The following SIMC1 variants were observed in gnomAD, a reference collection of about 807,000 sequenced individuals.
SIMC1 encodes the protein SUMO interacting motifs containing 1.
A neutral mutation model predicts 82.3 loss-of-function variants in SIMC1; 55 were observed. The observed-to-expected ratio is 0.67, with a 90% CI of 0.54 to 0.84. The LOEUF is 0.84. SIMC1 is among the 40% of genes least tolerant of loss of function. The pLI is 0.00. For synonymous variants in SIMC1, 353 were observed against 426.3 expected (o/e 0.83, Z 2.12); for missense variants, 915 against 1,107.2 (o/e 0.83, Z 2.46).
At chr5:176,338,918 A>G (rs1766015502) in intron 9 of SIMC1, among the ~76,000 whole-genome samples, 3 of 152,186 alleles carry the variant, frequency 2.0e-5, no homozygotes, top group Admixed American at 2.0e-4. Context: ...CTTCTATAGA[A>G]TGGGGATGAT....
At chr5:176,306,599 A>AT (rs1764421429) in intron 4 of SIMC1, among the ~76,000 whole-genome samples, 1 of 151,292 alleles carries the variant, frequency 6.6e-6, no homozygotes, top group Admixed American at 6.6e-5. Flanking sequence ...GATCCTGTTG[A>AT]TCTGTGACCT....
intron 9 of SIMC1, among the ~76,000 whole-genome samples, chr5:176,340,219 C>G (rs1766073947): frequency 6.6e-6 from 1 of 152,194 alleles, no homozygotes; most frequent in African/African-American, 2.4e-5. Context: ...AAAGCAAATG[C>G]AGAGCTAGGA....
At chr5:176,243,265 A>T (rs1761329095) in intron 1 of SIMC1, among the ~76,000 whole-genome samples, 1 of 152,146 alleles carries the variant, frequency 6.6e-6, no homozygotes, top group South Asian at 2.1e-4. Flanking sequence ...TAGTTATAAG[A>T]TCTAGATGAA....
chr5:176,322,331 A>C lies in SIMC1; in HGVS notation c.1948A>C (p.Asn650His), dbSNP rs769023165. ...VTEDGLTQPP[N>H]GNQTSSGTGI... ...TGAAGATGGATTGACTCAGCCCCCAAATGGAAATCAAACGTCTTCAGGAAC... is the reference window on the plus strand; with the variant it reads ...TGAAGATGGATTGACTCAGCCCCCACATGGAAATCAAACGTCTTCAGGAAC... The change falls in exon 6 of 10, where the codon AAT (asparagine) becomes CAT (histidine). Residue 650 changes from asparagine (N) to histidine (H), a missense_variant. Asn to His is a moderately conservative substitution (Grantham distance 68). Around this residue, in one of 2 missense-constraint regions of SIMC1, gnomAD observed 902 missense variants for 1,040.3 expected, o/e 0.87. Coordinates refer to ENST00000429602, the MANE Select transcript of SIMC1 (RefSeq NM_001308195.2). 6.3e-7 allele frequency: 1 copy of C among 1,591,414 alleles called. No homozygotes were observed. Among genetic ancestry groups the C allele is most frequent in the Non-Finnish European group, 8.6e-7 (1 of 1,168,616 alleles).
chr5:176,249,726 C>G lies in SIMC1; in HGVS notation c.129+11089C>G, dbSNP rs959900999. On this transcript the variant is annotated intron_variant, in intron 1 of 9. Coordinates refer to ENST00000429602, the MANE Select transcript of SIMC1 (RefSeq NM_001308195.2). Reference sequence around the variant, plus strand: ...GGGCATGGTGGCAGGCATCTGTAGTCCCAGCTACTCAGGAGGCTGAGGCGG... The same window carrying G: ...GGGCATGGTGGCAGGCATCTGTAGTGCCAGCTACTCAGGAGGCTGAGGCGG... Among the ~76,000 whole-genome samples the G allele has an allele frequency of 3.3e-5, 5 of 151,480 alleles. No individual in the cohort carries two copies. The East Asian group carries it at 7.8e-4, about 24-fold the overall frequency.
In SIMC1 at chr5:176,315,279, A is replaced by G. The variant is rs552155058; in HGVS notation, c.1889+1434A>G. ...AGGAAGGAAGACAGGGGGCGGGGCT[A>G]TGGTGCCAACCTCTGTCAAACAGTC... On this transcript the variant is annotated intron_variant, in intron 5 of 9. Coordinates refer to ENST00000429602, the MANE Select transcript of SIMC1 (RefSeq NM_001308195.2). Among the ~76,000 whole-genome samples the G allele has an allele frequency of 9.2e-5, 14 of 152,300 alleles. No homozygotes were observed. The South Asian group carries it at 1.9e-3, about 20-fold the overall frequency.
intron 9 of SIMC1, 27 bp from the exon 10 acceptor site, chr5:176,345,156 C>G (rs1339525492): frequency 6.2e-7 from 1 of 1,602,772 alleles, no homozygotes; most frequent in Non-Finnish European, 8.5e-7. Flanking sequence ...GTTCAGAGCA[C>G]CCAACTGACT....
At chr5:176,340,102 A>G (rs556714747) in intron 9 of SIMC1, among the ~76,000 whole-genome samples, 18 of 152,350 alleles carry the variant, frequency 1.2e-4, no homozygotes, top group Non-Finnish European at 2.6e-4. Flanking sequence ...GCATGGAGGA[A>G]GAAAGGAAAA....
Position 176,244,782 on chromosome 5 carries a change from C to T in SIMC1, c.129+6145C>T, listed in dbSNP as rs4504398. Among the ~76,000 whole-genome samples, 189 of 131,930 alleles carry T rather than the reference C, an allele frequency of 1.4e-3. 1 individual carries two copies. Among genetic ancestry groups the T allele is most frequent in the East Asian group, 5.8e-3 (26 of 4,476 alleles). The allele number at this position is 131,930 out of a possible 152,430, so 86.6% of individuals were successfully genotyped here. A position where few individuals can be genotyped will look rare whatever the true frequency, so the allele number is the denominator to read the frequency against. On this transcript the variant is annotated intron_variant, in intron 1 of 9. Transcript: ENST00000429602. ...TGTTGCCCAGGCTGGAGTGCAATGGCGCAATCTCAGCTCACTGCAACCTCC... is the reference window on the plus strand; with the variant it reads ...TGTTGCCCAGGCTGGAGTGCAATGGTGCAATCTCAGCTCACTGCAACCTCC...
At chr5:176,252,638 C>T (rs569562692) in intron 1 of SIMC1, among the ~76,000 whole-genome samples, 145 of 150,210 alleles carry the variant, frequency 9.7e-4, no homozygotes, top group Admixed American at 1.8e-3. Flanking sequence ...CGGGCAGAGA[C>T]GCTCCTCACT....
chr5:176,306,331 G>A lies in SIMC1; in HGVS notation c.1735-7360G>A, dbSNP rs866873154. Among the ~76,000 whole-genome samples the A allele has an allele frequency of 2.8e-5, 4 of 141,790 alleles. No individual in the cohort carries two copies. The South Asian group carries it at 6.9e-4, about 24-fold the overall frequency. The allele number at this position is 141,790 out of a possible 152,430, so 93.0% of individuals were successfully genotyped here. On this transcript the variant is annotated intron_variant, in intron 4 of 9. Coordinates refer to ENST00000429602, the MANE Select transcript of SIMC1 (RefSeq NM_001308195.2). Reference sequence around the variant, plus strand: ...GTCCGGCCAGCCGCCCCATCCGGGAGGTGAGGGGCACCTCTGCCCAGCCGC... The same window carrying A: ...GTCCGGCCAGCCGCCCCATCCGGGAAGTGAGGGGCACCTCTGCCCAGCCGC...
In SIMC1 at chr5:176,266,147, A is replaced by G. The variant is rs868706009; in HGVS notation, c.130-23507A>G. ...TCAGGCAGATACCAGAGAGGAATCT[A>G]TTCTTACAAGATAGCTGCATAGGGT... On this transcript the variant is annotated intron_variant, in intron 1 of 9. Transcript: ENST00000429602. 3.9e-4 allele frequency among the ~76,000 whole-genome samples: 60 copies of G among 152,204 alleles called. 1 individual carries two copies. In the South Asian group the frequency reaches 0.011, roughly 28 times the overall value.
intron 7 of SIMC1, among the ~76,000 whole-genome samples, chr5:176,336,376 A>C (rs989420722): frequency 6.6e-6 from 1 of 152,138 alleles, no homozygotes; most frequent in Non-Finnish European, 1.5e-5. Flanking sequence ...CCTTTTATTT[A>C]TCTTAATATT....
chr5:176,309,698 G>T (rs371516969), intron 4 of SIMC1, among the ~76,000 whole-genome samples: 1 of 152,316 alleles, frequency 6.6e-6, no homozygotes, highest in African/African-American at 2.4e-5. Context: ...CACTTTGGGA[G>T]GCCAAGATGG....
At chr5:176,328,435 AGTG>A (rs907493118) in intron 7 of SIMC1, among the ~76,000 whole-genome samples, 2 of 151,916 alleles carry the variant, frequency 1.3e-5, no homozygotes, top group Non-Finnish European at 2.9e-5. Flanking sequence ...TAATGGTGGC[AGTG>A]GTGGTGGTGG....
chr5:176,308,228 G>A (rs1203968233), intron 4 of SIMC1: 1 of 1,532,420 alleles, frequency 6.5e-7, no homozygotes, highest in Non-Finnish European at 9.0e-7. Context: ...TGCATATACT[G>A]GAACTGAAAT....
intron 7 of SIMC1, 119 bp from the exon 8 acceptor site, chr5:176,336,601 G>A (rs1765906267): frequency 1.5e-6 from 2 of 1,369,262 alleles, no homozygotes; most frequent in Non-Finnish European, 2.0e-6. Flanking sequence ...GGGCTTCCAT[G>A]GTATTCCTTC....
intron 6 of SIMC1, among the ~76,000 whole-genome samples, chr5:176,323,760 G>A (rs529025386): frequency 6.6e-6 from 1 of 152,150 alleles, no homozygotes; most frequent in Non-Finnish European, 1.5e-5. Flanking sequence ...GCCAAGGCGG[G>A]TGGATCATGA....
intron 7 of SIMC1, among the ~76,000 whole-genome samples, chr5:176,325,955 T>C (rs1765377266): frequency 6.6e-6 from 1 of 152,182 alleles, no homozygotes; most frequent in Admixed American, 6.6e-5. Flanking sequence ...GTGAAGTATT[T>C]CATTAGGAAG....
Sources: gnomAD v4.1 joint callset for allele counts (sites outside exome capture counted in the v4.1 genomes callset) on GRCh38, gnomAD v4.1.1 for gene constraint, gnomAD v4.1.1 regional missense constraint, MANE v1.5 for transcripts, NCBI Gene and HGNC (gene_info 2026-07-23, HGNC 2026-07-21) for gene names.